BCL7A: variants seen among roughly 807,000 people sequenced by gnomAD.
BCL7A encodes BAF chromatin remodeling complex subunit BCL7A.
A neutral mutation model predicts 28.4 loss-of-function variants in BCL7A; 11 were observed. The ratio of observed to expected loss-of-function variants is 0.39; its 90% CI spans 0.24 to 0.64. The LOEUF is 0.64. BCL7A is among the 30% of genes least tolerant of loss of function. The pLI, the probability that BCL7A is intolerant of heterozygous loss-of-function variation, is 0.50. For synonymous variants in BCL7A, 123 were observed against 103.3 expected (o/e 1.19, Z -1.15); for missense variants, 222 against 274.8 (o/e 0.81, Z 1.36).
rs141419598 is a variant in BCL7A at position 122,033,019 on chromosome 12, A to G, written c.174+2238A>G. On this transcript the variant is annotated intron_variant, in intron 2 of 5. Transcript: ENST00000261822. ...TTAAACACTCAGTATCTATATGGTT[A>G]TATCCATTTGTTACTTTAGAACTCT... Among the ~76,000 whole-genome samples the G allele has an allele frequency of 2.9e-4, 44 of 152,248 alleles. 1 individual carries two copies. The highest frequency in any genetic ancestry group is 9.1e-4 in the African/African-American group (38 of 41,546).
At chr12:122,051,495 C>G (rs1395489839) in intron 4 of BCL7A, among the ~76,000 whole-genome samples, 3 of 152,200 alleles carry the variant, frequency 2.0e-5, no homozygotes, top group Admixed American at 6.5e-5. Context: ...TGGGTGAGTT[C>G]CAGCACCGCA....
At chr12:122,024,276 C>G (rs1883560503) in intron 1 of BCL7A, among the ~76,000 whole-genome samples, 2 of 152,326 alleles carry the variant, frequency 1.3e-5, no homozygotes, top group East Asian at 1.9e-4. Flanking sequence ...TTGGGCATAT[C>G]ATTGTCACTT....
rs574303670 is a variant in BCL7A at position 122,043,864 on chromosome 12, G to C, written c.272-22G>C. 100 of 1,593,474 alleles carry C rather than the reference G, an allele frequency of 6.3e-5. 2 individuals are homozygous for C. In the Admixed American group the frequency reaches 1.6e-3, roughly 26 times the overall value. On this transcript the variant is annotated intron_variant, in intron 3 of 5. Transcript: ENST00000261822. ...GGCAGCTGTGGGATTTCATCCTGTG[G>C]TTCTGTTCCCACCCCCTACAGACGA...
At chr12:122,055,290 C>T (rs894970872) in intron 5 of BCL7A, among the ~76,000 whole-genome samples, 1 of 152,210 alleles carries the variant, frequency 6.6e-6, no homozygotes, top group African/African-American at 2.4e-5. Context: ...GACAAGACTT[C>T]AGAAACCTAA....
chr12:122,055,014 T>G, intron 5 of BCL7A, 88 bp downstream of exon 5: 1 of 1,608,140 alleles, frequency 6.2e-7, no homozygotes, highest in Non-Finnish European at 8.5e-7. Flanking sequence ...GTTTCGTCAT[T>G]GTGTTTTGTT....
At chr12:122,032,053 G>A (rs1416607238) in intron 2 of BCL7A, among the ~76,000 whole-genome samples, 4 of 152,194 alleles carry the variant, frequency 2.6e-5, no homozygotes, top group Admixed American at 6.5e-5. Context: ...TGGGAGTGAC[G>A]TAAAGTCATG....
At chr12:122,051,378 G>C (rs994216951) in intron 4 of BCL7A, among the ~76,000 whole-genome samples, 12 of 152,240 alleles carry the variant, frequency 7.9e-5, no homozygotes, top group African/African-American at 2.2e-4. Context: ...GCCACCAGCT[G>C]TTGACCTTGC....
chr12:122,043,587 A>T (rs1300716345), intron 3 of BCL7A, among the ~76,000 whole-genome samples: 1 of 152,120 alleles, frequency 6.6e-6, no homozygotes, highest in Non-Finnish European at 1.5e-5. Context: ...GGTCTGGCCA[A>T]CATGGTGAAA....
chr12:122,044,113 C>A, intron 4 of BCL7A, 60 bp downstream of exon 4: 2 of 1,556,536 alleles, frequency 1.3e-6, no homozygotes, highest in Non-Finnish European at 8.7e-7. Flanking sequence ...TTCAGGCAGT[C>A]TGTGGCTAGG....
At chr12:122,047,475 G>C (rs1884100582) in intron 4 of BCL7A, among the ~76,000 whole-genome samples, 1 of 151,796 alleles carries the variant, frequency 6.6e-6, no homozygotes, top group Non-Finnish European at 1.5e-5. Flanking sequence ...GTTGAGCCGA[G>C]ATCGCACCAC....
chr12:122,054,751 G>A, intron 4 of BCL7A, 54 bp from the exon 5 acceptor site: 1 of 1,570,454 alleles, frequency 6.4e-7, no homozygotes. Flanking sequence ...GGCCCCACCG[G>A]CCCCGCCTCT....
At chr12:122,024,468 T>G (rs978875975) in intron 1 of BCL7A, among the ~76,000 whole-genome samples, 7 of 151,758 alleles carry the variant, frequency 4.6e-5, no homozygotes, top group Admixed American at 2.0e-4. Flanking sequence ...TTTTGTTTTT[T>G]TTTTTTTTTG....
intron 3 of BCL7A, among the ~76,000 whole-genome samples, chr12:122,042,404 C>T (rs1215068472): frequency 6.6e-6 from 1 of 152,008 alleles, no homozygotes; most frequent in African/African-American, 2.4e-5. Flanking sequence ...CCTGTAATCC[C>T]AGCACTTTGG....
chr12:122,043,400 T>TG (rs1304895960), intron 3 of BCL7A, among the ~76,000 whole-genome samples: 1 of 1,314 alleles, frequency 7.6e-4, no homozygotes, highest in Non-Finnish European at 1.3e-3. Context: ...CTGTGGTGCT[T>TG]GGGTGGGTGG....
At chr12:122,038,527 T>C (rs1234016564) in intron 3 of BCL7A, among the ~76,000 whole-genome samples, 1 of 149,816 alleles carries the variant, frequency 6.7e-6, no homozygotes, top group Non-Finnish European at 1.5e-5. Context: ...ACAATCATAG[T>C]TGGGTTATGT....
At chr12:122,022,991 G>C (rs1883505615) in intron 1 of BCL7A, among the ~76,000 whole-genome samples, 2 of 152,288 alleles carry the variant, frequency 1.3e-5, no homozygotes, top group East Asian at 1.9e-4. Flanking sequence ...GCTCGTGTTT[G>C]TTTTGCGGAG....
chr12:122,043,805 C>G, intron 3 of BCL7A, 81 bp from the exon 4 acceptor site: 1 of 1,425,992 alleles, frequency 7.0e-7, no homozygotes, highest in South Asian at 1.4e-5. Flanking sequence ...CATTGAGGCA[C>G]AGGGATGCTG....
intron 2 of BCL7A, among the ~76,000 whole-genome samples, chr12:122,033,943 T>C (rs1883792899): frequency 2.0e-5 from 3 of 152,094 alleles, no homozygotes; most frequent in Admixed American, 6.6e-5. Flanking sequence ...TTTGTGTATC[T>C]TCCGATGTTA....
chr12:122,022,131 GC>G lies in BCL7A; in HGVS notation c.42del (p.Asp16MetfsTer21). The G allele has an allele frequency of 6.3e-7, 1 of 1,586,872 alleles. No homozygotes were observed. Among genetic ancestry groups the G allele is most frequent in the Non-Finnish European group, 8.6e-7 (1 of 1,165,524 alleles). On this transcript the variant is annotated frameshift_variant, in exon 1 of 6. Coordinates refer to ENST00000261822, the MANE Select transcript of BCL7A (RefSeq NM_001024808.3). LOFTEE classifies it high-confidence loss of function. ...GGTTCGAGCCGAGACGAGGAGCCGGGCCAAAGATGATATCAAGAGGGTCATG... is the reference window on the plus strand; with the variant it reads ...GGTTCGAGCCGAGACGAGGAGCCGGGCAAAGATGATATCAAGAGGGTCATG... ...RSVRAETRSR[A>X]KDDIKRVMAA...
Sources: allele counts gnomAD v4.1 joint callset (sites outside exome capture counted in the v4.1 genomes callset), GRCh38; gene constraint gnomAD v4.1.1; transcripts MANE v1.5; gene names NCBI Gene and HGNC (gene_info 2026-07-23, HGNC 2026-07-21).